CAPZB: variants seen among roughly 807,000 people sequenced by gnomAD.
The protein encoded by CAPZB is F-actin-capping protein subunit beta.
CAPZB carries 2 observed loss-of-function variants against 38.1 expected under a neutral mutation model. The ratio of observed to expected loss-of-function variants is 0.05; its 90% CI spans 0.02 to 0.17. The LOEUF (loss-of-function observed/expected upper bound fraction) is 0.17. Among genes scored for constraint, CAPZB ranks in the 10% least tolerant of loss-of-function variants. The pLI is 1.00. For missense variants in CAPZB, 161 were observed against 334.2 expected (o/e 0.48, Z 4.04); for synonymous variants, 107 against 127.4 (o/e 0.84, Z 1.08).
rs1046816749 is a variant in CAPZB, at chr1:19,361,140, G to C, written c.330-3577C>G. Among the ~76,000 whole-genome samples the C allele has an allele frequency of 1.3e-5, 2 of 152,142 alleles. 1 individual carries two copies. Among genetic ancestry groups the C allele is most frequent in the Non-Finnish European group, 2.9e-5 (2 of 68,034 alleles). ...CTCCATAATCATTTTTAACAGCAAG[G>C]ATAGTATTCAGTCGGGTAGTATCCT... is the stretch of plus-strand genomic sequence containing the variant. On this transcript the variant is annotated intron_variant, in intron 4 of 8. Coordinates refer to ENST00000264202, the MANE Select transcript of CAPZB (RefSeq NM_004930.5).
Position 19,395,017 on chromosome 1 carries a change from A to C in CAPZB, c.94-9391T>G, listed in dbSNP as rs571550570. On this transcript the variant is annotated intron_variant, in intron 2 of 8. Transcript: ENST00000264202. The stretch of plus-strand genomic sequence containing the variant: ...TGACACTCTACAGCCACCGCGCGCC[A>C]GGTGCTTTCACCAAACTGTAGGTGT... Among the ~76,000 whole-genome samples, 329 of 152,322 alleles carry C rather than the reference A, an allele frequency of 2.2e-3. 1 individual carries two copies. The highest frequency in any genetic ancestry group is 3.9e-3 in the Non-Finnish European group (267 of 68,026).
intron 2 of CAPZB, among the ~76,000 whole-genome samples, chr1:19,407,255 T>C (rs896355624): frequency 1.3e-5 from 2 of 152,194 alleles, no homozygotes; most frequent in Non-Finnish European, 2.9e-5. Flanking sequence ...GCTTCTTGGC[T>C]AGTGGCACCT....
At chr1:19,344,075 C>G (rs1239307731) in intron 8 of CAPZB, among the ~76,000 whole-genome samples, 1 of 152,174 alleles carries the variant, frequency 6.6e-6, no homozygotes, top group Non-Finnish European at 1.5e-5. Context: ...TGACAAACTG[C>G]AGGGCTGAGG....
At chr1:19,444,241 C>A (rs1461122310) in intron 1 of CAPZB, among the ~76,000 whole-genome samples, 2 of 152,120 alleles carry the variant, frequency 1.3e-5, no homozygotes, top group African/African-American at 4.8e-5. Context: ...GCAGGTGTGT[C>A]TCTGGCCTCA....
At position 19,390,012 on chromosome 1, in the gene CAPZB, G is replaced by A. The variant is rs553650505; in HGVS notation, c.94-4386C>T. Among the ~76,000 whole-genome samples the A allele has an allele frequency of 3.5e-4, 53 of 152,302 alleles. 1 individual carries two copies. In the South Asian group the frequency reaches 3.7e-3, roughly 11 times the overall value. On this transcript the variant is annotated intron_variant, in intron 2 of 8. Transcript: ENST00000264202. ...CCAAGACAGGCCCTCCAGCCTCAGC[G>A]CAGCATCACGCCCGCTGCAGCAGGG...
chr1:19,369,587 G>T (rs910028078), intron 4 of CAPZB, among the ~76,000 whole-genome samples: 12 of 152,242 alleles, frequency 7.9e-5, no homozygotes, highest in African/African-American at 2.7e-4. Context: ...TTACACTGTG[G>T]ACATGCCAGA....
chr1:19,433,238 G>C (rs902336668), intron 1 of CAPZB, among the ~76,000 whole-genome samples: 79 of 152,160 alleles, frequency 5.2e-4, no homozygotes, highest in African/African-American at 1.9e-3. Context: ...GTCTTCAAGG[G>C]ATGCCGTACA....
chr1:19,415,568 A>G (rs1269998170), intron 2 of CAPZB, among the ~76,000 whole-genome samples: 1 of 152,264 alleles, frequency 6.6e-6, no homozygotes, highest in African/African-American at 2.4e-5. Context: ...AAAATAAAAC[A>G]TTCAAAGAAG....
intron 8 of CAPZB, 52 bp from the exon 9 acceptor site, chr1:19,339,669 G>A (rs772117772): frequency 2.2e-5 from 30 of 1,376,896 alleles, no homozygotes; most frequent in Admixed American, 3.4e-5. Flanking sequence ...CTGGTGAGGC[G>A]GTGGAGGCCT....
At chr1:19,407,523 G>C (rs142287771) in intron 2 of CAPZB, among the ~76,000 whole-genome samples, 93 of 152,310 alleles carry the variant, frequency 6.1e-4, no homozygotes, top group Middle Eastern at 3.4e-3. Context: ...GAGGTGAGCA[G>C]TGCTGATAAG....
intron 1 of CAPZB, among the ~76,000 whole-genome samples, chr1:19,460,418 A>C (rs1489776531): frequency 1.3e-5 from 2 of 152,090 alleles, no homozygotes; most frequent in Non-Finnish European, 2.9e-5. Context: ...CTGGGACTAC[A>C]GGTGCCCGCC....
chr1:19,369,332 G>A (rs1032075170), intron 4 of CAPZB, among the ~76,000 whole-genome samples: 2 of 152,226 alleles, frequency 1.3e-5, no homozygotes, highest in African/African-American at 4.8e-5. Context: ...GAAACGCACT[G>A]CGAGAGCAGG....
At chr1:19,397,931 G>A (rs970330898) in intron 2 of CAPZB, among the ~76,000 whole-genome samples, 5 of 152,144 alleles carry the variant, frequency 3.3e-5, no homozygotes, top group African/African-American at 7.2e-5. Context: ...GCTCATGATC[G>A]CCCAGAGGGA....
At position 19,451,694 on chromosome 1, in the gene CAPZB, G is replaced by C. The variant is rs1409894868; in HGVS notation, c.4-31944C>G. ...AGAGACAAGGCTAGGACCAGGGGGTGATCACTTTCCACATGGACAGTGTGG... is the reference window on the plus strand; with the variant it reads ...AGAGACAAGGCTAGGACCAGGGGGTCATCACTTTCCACATGGACAGTGTGG... On this transcript the variant is annotated intron_variant, in intron 1 of 8. Coordinates refer to ENST00000264202, the MANE Select transcript of CAPZB (RefSeq NM_004930.5). 3.3e-5 allele frequency among the ~76,000 whole-genome samples: 5 copies of C among 152,026 alleles called. No homozygotes were observed. The East Asian group carries it at 9.7e-4, about 30-fold the overall frequency.
intron 2 of CAPZB, among the ~76,000 whole-genome samples, chr1:19,405,302 G>A (rs1282738689): frequency 6.6e-6 from 1 of 152,106 alleles, no homozygotes; most frequent in Non-Finnish European, 1.5e-5. Context: ...CATCCCGCAG[G>A]TGCTCGGAAG....
intron 3 of CAPZB, among the ~76,000 whole-genome samples, chr1:19,383,507 G>A (rs1303879142): frequency 6.6e-6 from 1 of 151,948 alleles, no homozygotes; most frequent in African/African-American, 2.4e-5. Flanking sequence ...TCTTGTGCAG[G>A]GGGCCATGTT....
intron 4 of CAPZB, among the ~76,000 whole-genome samples, chr1:19,375,774 T>C (rs1225551910): frequency 6.6e-6 from 1 of 152,256 alleles, no homozygotes; most frequent in Admixed American, 6.5e-5. Context: ...TCCCGGCTCC[T>C]GTGGTTTTCT....
rs551648784 is a variant in CAPZB, at chr1:19,345,109, G to A, written c.654+78C>T. 2.8e-5 allele frequency: 30 copies of A among 1,087,076 alleles called. No homozygotes were observed. The South Asian group carries it at 3.4e-4, about 12-fold the overall frequency. 67.3% of individuals were successfully genotyped at this position (1,087,076 alleles called of 1,614,324 possible). ...CTGAGAGAAAGCAGCAGAGAAGGAG[G>A]CCAGCACAGCGGCTCCGGGGCTGCA... is the stretch of plus-strand genomic sequence containing the variant. On this transcript the variant is annotated intron_variant, in intron 7 of 8. Transcript: ENST00000264202.
At chr1:19,412,978 CT>C (rs2094363698) in intron 2 of CAPZB, among the ~76,000 whole-genome samples, 1 of 152,206 alleles carries the variant, frequency 6.6e-6, no homozygotes, top group African/African-American at 2.4e-5. Flanking sequence ...TAGAGCGAGG[CT>C]TTTCATCTGG....
Sources: gnomAD v4.1 joint callset for allele counts (sites outside exome capture counted in the v4.1 genomes callset) on GRCh38, gnomAD v4.1.1 for gene constraint, MANE v1.5 for transcripts, NCBI Gene and HGNC (gene_info 2026-07-23, HGNC 2026-07-21) for gene names.